The following ANXA4 variants were observed in gnomAD, a reference collection of about 807,000 sequenced individuals.
The protein encoded by ANXA4 is 35-beta calcimedin.
Under a neutral mutation model 49.8 loss-of-function variants are expected in ANXA4, and 39 were observed. That is an observed-to-expected ratio of 0.78 (90% CI 0.61 to 1.02). The LOEUF is 1.02. Ranked by LOEUF, ANXA4 falls within the 50% of genes least tolerant of loss-of-function variation. The probability of loss-of-function intolerance (pLI) is 0.00; values close to 1 mark genes in which losing one functional copy is unlikely to be tolerated. For synonymous variants in ANXA4, 134 were observed against 152.5 expected (o/e 0.88, Z 0.89); for missense variants, 360 against 410.1 (o/e 0.88, Z 1.05).
intron 1 of ANXA4, among the ~76,000 whole-genome samples, chr2:69,743,174 C>A (rs1670469446): frequency 6.6e-6 from 1 of 152,086 alleles, no homozygotes; most frequent in African/African-American, 2.4e-5. Flanking sequence ...TGCCTATAGT[C>A]TCAGCTATTC....
At chr2:69,818,801 A>G in intron 10 of ANXA4, 107 bp downstream of exon 10, 1 of 688,454 alleles carries the variant, frequency 1.5e-6, no homozygotes, top group South Asian at 2.1e-5. Flanking sequence ...AAAGTTGTTT[A>G]TCATGAATCA....
chr2:69,810,830 A>C (rs1673674019), intron 7 of ANXA4, 157 bp downstream of exon 7: 1 of 620,276 alleles, frequency 1.6e-6, no homozygotes, highest in Admixed American at 2.7e-5. Context: ...TCCTTCAGAG[A>C]CTCTGGCTAA....
intron 3 of ANXA4, 101 bp downstream of exon 3, chr2:69,788,242 T>C: frequency 9.4e-7 from 1 of 1,063,804 alleles, no homozygotes; most frequent in Non-Finnish European, 1.4e-6. Flanking sequence ...GGTCTTCCTT[T>C]AATAAAACAC....
chr2:69,758,456 C>CA (rs966408373), intron 1 of ANXA4, among the ~76,000 whole-genome samples: 1 of 152,032 alleles, frequency 6.6e-6, no homozygotes, highest in Non-Finnish European at 1.5e-5. Flanking sequence ...TCTACCTCTG[C>CA]AAAAAAATTT....
chr2:69,779,140 A>G (rs1452047403), intron 1 of ANXA4, among the ~76,000 whole-genome samples: 1 of 149,474 alleles, frequency 6.7e-6, no homozygotes, highest in Non-Finnish European at 1.5e-5. Flanking sequence ...AAAAGGAAAG[A>G]GAAGTCAGAA....
At chr2:69,745,778 G>T (rs1213573836) in intron 1 of ANXA4, among the ~76,000 whole-genome samples, 1 of 152,102 alleles carries the variant, frequency 6.6e-6, no homozygotes, top group African/African-American at 2.4e-5. Context: ...TGATCCGCTT[G>T]CATCAGCCTC....
intron 2 of ANXA4, among the ~76,000 whole-genome samples, chr2:69,665,808 G>A (rs2105332115): frequency 6.6e-6 from 1 of 152,290 alleles, no homozygotes; most frequent in South Asian, 2.1e-4. Flanking sequence ...CCCACAGAAT[G>A]GGGGAAAGCA....
At chr2:69,691,579 A>ATG (rs1677969837) in intron 2 of ANXA4, among the ~76,000 whole-genome samples, 9 of 111,792 alleles carry the variant, frequency 8.1e-5, no homozygotes, top group East Asian at 4.9e-4. Context: ...ACATGCACAC[A>ATG]CACACACACA....
intron 2 of ANXA4, among the ~76,000 whole-genome samples, chr2:69,715,026 T>C (rs1678832381): frequency 6.6e-6 from 1 of 152,164 alleles, no homozygotes; most frequent in South Asian, 2.1e-4. Flanking sequence ...AAAGCCAAGA[T>C]TGAAGAAGAC....
chr2:69,792,672 A>G (rs1270968309), intron 3 of ANXA4, among the ~76,000 whole-genome samples: 8 of 152,182 alleles, frequency 5.3e-5, no homozygotes, highest in Admixed American at 5.2e-4. Flanking sequence ...TAAGCAAAAT[A>G]TACATTTCCA....
chr2:69,754,968 C>T (rs1418250253), intron 1 of ANXA4, among the ~76,000 whole-genome samples: 8 of 152,048 alleles, frequency 5.3e-5, no homozygotes, highest in Non-Finnish European at 1.0e-4. Context: ...TGTCTGTATA[C>T]GAAGGTGGCT....
chr2:69,765,655 A>G (rs1422711942), intron 1 of ANXA4, among the ~76,000 whole-genome samples: 1 of 152,200 alleles, frequency 6.6e-6, no homozygotes, highest in African/African-American at 2.4e-5. Context: ...TTTCATGTAA[A>G]TACTTTGTTT....
chr2:69,726,124 C>A (rs1266913850), intron 3 of ANXA4, among the ~76,000 whole-genome samples: 1 of 152,156 alleles, frequency 6.6e-6, no homozygotes, highest in Non-Finnish European at 1.5e-5. Context: ...AGGGAGGGAC[C>A]TCGAGGTAAT....
At chr2:69,663,742 G>A (rs971204663) in intron 2 of ANXA4, among the ~76,000 whole-genome samples, 4 of 151,984 alleles carry the variant, frequency 2.6e-5, no homozygotes, top group African/African-American at 9.7e-5. Flanking sequence ...AAATCTGATA[G>A]CAAAAATGAA....
rs190982623 is a variant in ANXA4, at chr2:69,790,390, T to A, written c.97+2249T>A. ...TTAAGGGTCCCTCGTAGGAGGGCAG[T>A]TTCATTTTCGGCTCCATTTTCAGCA... On this transcript the variant is annotated intron_variant, in intron 3 of 12. Coordinates refer to ENST00000394295, the MANE Select transcript of ANXA4 (RefSeq NM_001153.5). Among the ~76,000 whole-genome samples, 4 of 152,248 alleles carry A rather than the reference T, an allele frequency of 2.6e-5. No homozygotes were observed. The East Asian group carries it at 7.7e-4, about 29-fold the overall frequency.
chr2:69,772,001 G>T (rs530464302), intron 1 of ANXA4, among the ~76,000 whole-genome samples: 2 of 152,112 alleles, frequency 1.3e-5, no homozygotes, highest in African/African-American at 4.8e-5. Flanking sequence ...AGCCCTAGTC[G>T]TAGAGTTCAG....
rs75245380 is a variant in ANXA4, at chr2:69,745,762, C to T, written c.-47+3587C>T. On this transcript the variant is annotated intron_variant, in intron 1 of 12. Transcript: ENST00000394295. The stretch of plus-strand genomic sequence containing the variant: ...GCCAGGCTGGTCTCGAACTCCTGAC[C>T]TCAGATGATCCGCTTGCATCAGCCT... 2.1e-3 allele frequency among the ~76,000 whole-genome samples: 322 copies of T among 152,234 alleles called. 2 individuals carry two copies. Among genetic ancestry groups the T allele is most frequent in the African/African-American group, 7.4e-3 (309 of 41,540 alleles).
At position 69,794,341 on chromosome 2, in the gene ANXA4, A is replaced by G. The variant is rs569904380; in HGVS notation, c.97+6200A>G. Among the ~76,000 whole-genome samples the G allele has an allele frequency of 6.6e-5, 10 of 152,298 alleles. No individual in the cohort carries two copies. The East Asian group carries it at 1.9e-3, about 29-fold the overall frequency. On this transcript the variant is annotated intron_variant, in intron 3 of 12. Transcript: ENST00000394295. ...GTAACTGCTTGGAGGCAGGCTGACC[A>G]TCCTTTGGCCACCAAGTTTTAAGTT...
Position 69,819,287 on chromosome 2 carries a change from C to T in ANXA4, c.732C>T (p.Cys244=). ...FEDALLAIVK[C]MRNKSAYFAE... ...TTTTTTTTTCTTTGACAGTAAAGTG[C>T]ATGAGGAACAAATCTGCATATTTTG... The change falls in exon 11 of 13, where the codon TGC becomes TGT. Residue 244 remains cysteine, a synonymous_variant. Coordinates refer to ENST00000394295, the MANE Select transcript of ANXA4 (RefSeq NM_001153.5). 1.2e-6 allele frequency: 2 copies of T among 1,604,684 alleles called. No individual in the cohort carries two copies. The highest frequency in any genetic ancestry group is 2.2e-5 in the East Asian group (1 of 44,686).
Sources: gnomAD v4.1 joint callset for allele counts (sites outside exome capture counted in the v4.1 genomes callset) on GRCh38, gnomAD v4.1.1 for gene constraint, MANE v1.5 for transcripts, NCBI Gene and HGNC (gene_info 2026-07-23, HGNC 2026-07-21) for gene names.